HYCC2: variants seen among roughly 807,000 people sequenced by gnomAD.
HYCC2 encodes the protein hyccin 2.
the HYCC2 span, among the ~76,000 whole-genome samples, chr2:201,066,087 T>C: frequency 6.6e-6 from 1 of 152,206 alleles, no homozygotes; most frequent in East Asian, 1.9e-4. Context: ...TCTTTTTTTT[T>C]TTTCTTTGGA....
At chr2:200,980,334 A>G in the HYCC2 span, 1 of 152,534 alleles carries the variant, frequency 6.6e-6, no homozygotes, top group South Asian at 2.1e-4. Context: ...AAAAGAAGAA[A>G]AAAAAATCAA....
At chr2:201,011,349 T>C in the HYCC2 span, 1 of 1,131,560 alleles carries the variant, frequency 8.8e-7, no homozygotes, top group Admixed American at 2.5e-5. Flanking sequence ...GATTTGTTAC[T>C]CAATATAATT....
At chr2:201,051,524 C>CA in the HYCC2 span, among the ~76,000 whole-genome samples, 3 of 151,692 alleles carry the variant, frequency 2.0e-5, no homozygotes, top group Admixed American at 2.0e-4. Context: ...GGTTAATATA[C>CA]AAAAAATCAA....
At chr2:201,023,042 TA>T in the HYCC2 span, 19 of 694,778 alleles carry the variant, frequency 2.7e-5, no homozygotes, top group Non-Finnish European at 4.6e-5. Flanking sequence ...GTGAGAAAAG[TA>T]AAAATAATTA....
the HYCC2 span, chr2:201,021,752 A>C: frequency 4.2e-6 from 1 of 239,564 alleles, no homozygotes; most frequent in Non-Finnish European, 8.5e-6. Flanking sequence ...AGACAGAGCA[A>C]AACAAGGGGT....
At chr2:200,975,773 A>T in the HYCC2 span, 1 of 152,124 alleles carries the variant, frequency 6.6e-6, no homozygotes, top group Admixed American at 6.5e-5. Context: ...TACTGAAAAG[A>T]CTGAAGTTAC....
chr2:200,989,876 G>A, the HYCC2 span, among the ~76,000 whole-genome samples: 1 of 152,040 alleles, frequency 6.6e-6, no homozygotes, highest in South Asian at 2.1e-4. Context: ...AATGCTGCAA[G>A]TAGAAAATAG....
chr2:201,023,425 C>A, the HYCC2 span, among the ~76,000 whole-genome samples: 1 of 152,026 alleles, frequency 6.6e-6, no homozygotes, highest in African/African-American at 2.4e-5. Context: ...ATTCTTCTAA[C>A]TACTCAACCA....
chr2:201,001,609 C>G, the HYCC2 span, among the ~76,000 whole-genome samples: 2 of 152,082 alleles, frequency 1.3e-5, no homozygotes, highest in African/African-American at 4.8e-5. Flanking sequence ...TGGATCCATT[C>G]ATGTAAAATG....
At chr2:201,069,645 CA>C in the HYCC2 span, among the ~76,000 whole-genome samples, 1 of 151,764 alleles carries the variant, frequency 6.6e-6, no homozygotes, top group African/African-American at 2.4e-5. Flanking sequence ...AACTGGTACT[CA>C]AAACACTACA....
At chr2:201,019,535 T>G in the HYCC2 span, among the ~76,000 whole-genome samples, 1 of 152,126 alleles carries the variant, frequency 6.6e-6, no homozygotes. Flanking sequence ...GGCTGATGGC[T>G]CGAGACCAGG....
At chr2:200,985,079 C>T in the HYCC2 span, among the ~76,000 whole-genome samples, 13 of 152,226 alleles carry the variant, frequency 8.5e-5, no homozygotes, top group East Asian at 2.5e-3. Flanking sequence ...CCACTACACT[C>T]CAGCCTGGGC....
At chr2:200,988,520 G>C in the HYCC2 span, 1 of 769,694 alleles carries the variant, frequency 1.3e-6, no homozygotes, top group African/African-American at 1.8e-5. Flanking sequence ...TTTAAAATTT[G>C]CATTATAATG....
the HYCC2 span, among the ~76,000 whole-genome samples, chr2:201,056,178 T>C: frequency 2.0e-5 from 3 of 149,998 alleles, no homozygotes; most frequent in Admixed American, 6.7e-5. Flanking sequence ...TGGGCAAGAG[T>C]GCGAGACTCC....
chr2:201,040,543 C>T, the HYCC2 span, among the ~76,000 whole-genome samples: 2 of 150,800 alleles, frequency 1.3e-5, no homozygotes, highest in Non-Finnish European at 2.9e-5. Flanking sequence ...GGCTGGAGTG[C>T]AGTGGCAAAA....
chr2:200,994,277 C>T, the HYCC2 span, among the ~76,000 whole-genome samples: 239 of 152,108 alleles, frequency 1.6e-3, 2 homozygotes, highest in African/African-American at 5.5e-3. Flanking sequence ...CGCTCTGCCG[C>T]GCAGACTGGA....
chr2:200,992,263 G>T, the HYCC2 span: 1 of 1,448,868 alleles, frequency 6.9e-7, no homozygotes, highest in Non-Finnish European at 9.7e-7. Context: ...TTAATAAAGA[G>T]TTAAGATAAT....
chr2:200,989,252 T>A, the HYCC2 span, among the ~76,000 whole-genome samples: 1 of 152,300 alleles, frequency 6.6e-6, no homozygotes, highest in South Asian at 2.1e-4. Context: ...TACTAATCTC[T>A]TTACCTGTAT....
chr2:201,022,175 G>T, the HYCC2 span: 7 of 955,758 alleles, frequency 7.3e-6, no homozygotes, highest in African/African-American at 1.0e-4. Flanking sequence ...AAGCATACAT[G>T]AATCCAGTGG....
Sources: gnomAD v4.1 joint callset for allele counts (sites outside exome capture counted in the v4.1 genomes callset) on GRCh38, gnomAD v4.1.1 for gene constraint, MANE v1.5 for transcripts, NCBI Gene and HGNC (gene_info 2026-07-23, HGNC 2026-07-21) for gene names.